The following GALNT7 variants were observed in gnomAD, a reference collection of about 807,000 sequenced individuals.
The protein encoded by GALNT7 is polypeptide N-acetylgalactosaminyltransferase 7.
In GALNT7, 60 loss-of-function variants were observed where a neutral mutation model predicts 82.1. That is an observed-to-expected ratio of 0.73 (90% CI 0.59 to 0.91). The LOEUF is 0.91. GALNT7 is among the 40% of genes least tolerant of loss of function. GALNT7 has a pLI of 0.00. For synonymous variants in GALNT7, 243 were observed against 275.1 expected (o/e 0.88, Z 1.15); for missense variants, 660 against 804.2 (o/e 0.82, Z 2.17).
In GALNT7 at chr4:173,232,320, A is replaced by T. The variant is rs1392725531; in HGVS notation, c.127-15660A>T. Among the ~76,000 whole-genome samples, 3 of 152,244 alleles carry T rather than the reference A, an allele frequency of 2.0e-5. No individual in the cohort carries two copies. The East Asian group carries it at 5.8e-4, about 29-fold the overall frequency. Reference sequence around the variant, plus strand: ...TACTAGAAAGCAGTGGTTTTTATAAATTTTTGATTGATACATATGAATTGT... The same window carrying T: ...TACTAGAAAGCAGTGGTTTTTATAATTTTTTGATTGATACATATGAATTGT... On this transcript the variant is annotated intron_variant, in intron 1 of 11. Transcript: ENST00000265000.
intron 2 of GALNT7, among the ~76,000 whole-genome samples, 160 bp from the exon 3 acceptor site, chr4:173,291,948 C>G (rs201292627): frequency 1.3e-5 from 2 of 152,320 alleles, no homozygotes; most frequent in South Asian, 2.1e-4. Context: ...AACAGCTTCT[C>G]TCTTTTATCT....
At chr4:173,268,932 A>T (rs547470261) in intron 2 of GALNT7, among the ~76,000 whole-genome samples, 2 of 152,280 alleles carry the variant, frequency 1.3e-5, no homozygotes, top group East Asian at 3.9e-4. Flanking sequence ...TTGTGGACGT[A>T]GAATCCACAA....
intron 2 of GALNT7, among the ~76,000 whole-genome samples, chr4:173,278,594 A>G (rs1175043564): frequency 6.6e-6 from 1 of 152,246 alleles, no homozygotes; most frequent in Non-Finnish European, 1.5e-5. Context: ...GGTATTTTAT[A>G]CTAAGTTCAA....
chr4:173,206,866 C>A (rs1733115472), intron 1 of GALNT7, among the ~76,000 whole-genome samples: 1 of 152,294 alleles, frequency 6.6e-6, no homozygotes, highest in East Asian at 1.9e-4. Flanking sequence ...AACTTGCAAC[C>A]AAGGTGTGAC....
intron 1 of GALNT7, among the ~76,000 whole-genome samples, chr4:173,181,458 C>A (rs1242620113): frequency 6.6e-6 from 1 of 152,114 alleles, no homozygotes; most frequent in Non-Finnish European, 1.5e-5. Context: ...TTCTAAAATT[C>A]TCTATTCTAA....
intron 1 of GALNT7, among the ~76,000 whole-genome samples, chr4:173,215,624 C>T (rs1489266512): frequency 6.6e-6 from 1 of 152,134 alleles, no homozygotes. Flanking sequence ...GACCCTAAGA[C>T]CTAGCCTGAC....
intron 1 of GALNT7, among the ~76,000 whole-genome samples, chr4:173,236,693 G>C (rs539394836): frequency 6.6e-6 from 1 of 152,196 alleles, no homozygotes; most frequent in African/African-American, 2.4e-5. Flanking sequence ...CATCCCCACC[G>C]CCTATGTACT....
At chr4:173,321,246 C>T (rs1223241359) in intron 11 of GALNT7, among the ~76,000 whole-genome samples, 1 of 152,024 alleles carries the variant, frequency 6.6e-6, no homozygotes, top group African/African-American at 2.4e-5. Context: ...GCAGTATTTC[C>T]TAAGGACTAG....
chr4:173,268,298 A>T (rs1268183298), intron 2 of GALNT7: 4 of 152,334 alleles, frequency 2.6e-5, no homozygotes, highest in African/African-American at 9.6e-5. Flanking sequence ...TGATGGGTTT[A>T]CATTGAACTC....
At chr4:173,263,528 A>G (rs1228259003) in intron 2 of GALNT7, among the ~76,000 whole-genome samples, 1 of 152,196 alleles carries the variant, frequency 6.6e-6, no homozygotes, top group Non-Finnish European at 1.5e-5. Flanking sequence ...TCCTATCTCT[A>G]CACTAATTAC....
At chr4:173,282,340 T>C (rs1459874439) in intron 2 of GALNT7, 2 of 152,238 alleles carry the variant, frequency 1.3e-5, no homozygotes, top group Non-Finnish European at 2.9e-5. Context: ...TTGCTAATTA[T>C]ACGAAGAACA....
At chr4:173,216,735 T>A (rs1263737170) in intron 1 of GALNT7, among the ~76,000 whole-genome samples, 2 of 91,128 alleles carry the variant, frequency 2.2e-5, no homozygotes, top group African/African-American at 1.1e-4. Context: ...ATATTTTTTT[T>A]TTTTTTTTTT....
In GALNT7 at chr4:173,320,583, C is replaced by G. The variant is rs1737774516; in HGVS notation, c.1837-997C>G. Among the ~76,000 whole-genome samples, 1 of 152,024 alleles carries G rather than the reference C, an allele frequency of 6.6e-6. No individual in the cohort carries two copies. Among genetic ancestry groups the G allele is most frequent in the Non-Finnish European group, 1.5e-5 (1 of 67,982 alleles). ...TTCAAGTATATGAGGGAAACCCAGCCCCACACAAGCATACAGTTTGTAAAG... is the reference window on the plus strand; with the variant it reads ...TTCAAGTATATGAGGGAAACCCAGCGCCACACAAGCATACAGTTTGTAAAG... On this transcript the variant is annotated intron_variant, in intron 11 of 11. Coordinates refer to ENST00000265000, the MANE Select transcript of GALNT7 (RefSeq NM_017423.3). The surrounding 1 kb of genome is among the most constrained non-coding windows in gnomAD (Gnocchi z 4.1).
rs540881919 is a variant in GALNT7, at chr4:173,187,000, C to T, written c.126+18039C>T. ...CTCGATCTCCTGACCTCGTGATCCA[C>T]CCGCCTCGGCCGCCCAAAGTGCTGG... On this transcript the variant is annotated intron_variant, in intron 1 of 11. Transcript: ENST00000265000. 1.1e-4 allele frequency among the ~76,000 whole-genome samples: 16 copies of T among 152,238 alleles called. No homozygotes were observed. In the East Asian group the frequency reaches 2.3e-3, roughly 22 times the overall value.
chr4:173,203,776 C>A (rs1406795556), intron 1 of GALNT7, among the ~76,000 whole-genome samples: 1 of 152,134 alleles, frequency 6.6e-6, no homozygotes, highest in Non-Finnish European at 1.5e-5. Flanking sequence ...TTTGATGCCA[C>A]AATTTATATT....
intron 2 of GALNT7, among the ~76,000 whole-genome samples, chr4:173,266,072 A>G (rs1735478090): frequency 6.6e-6 from 1 of 152,216 alleles, no homozygotes; most frequent in Non-Finnish European, 1.5e-5. Context: ...AGCCTGGCCA[A>G]CATGGCGAAA....
At position 173,322,712 on chromosome 4, in the gene GALNT7, A is replaced by G. The variant is rs1038346716; in HGVS notation, c.*995A>G. ...ATCAAAGGTTCATTCTGACTGAGGTAAGACTTTCCAAGCCCTTGTTAGATT... is the reference window on the plus strand; with the variant it reads ...ATCAAAGGTTCATTCTGACTGAGGTGAGACTTTCCAAGCCCTTGTTAGATT... On this transcript the variant is annotated 3_prime_UTR_variant, in exon 12 of 12. Transcript: ENST00000265000. 1.3e-5 allele frequency: 2 copies of G among 152,234 alleles called. No homozygotes were observed. The highest frequency in any genetic ancestry group is 2.9e-5 in the Non-Finnish European group (2 of 68,020). 9.4% of individuals were successfully genotyped at this position (152,234 alleles called of 1,614,324 possible). A position where few individuals can be genotyped will look rare whatever the true frequency, so the allele number is the denominator to read the frequency against.
intron 1 of GALNT7, among the ~76,000 whole-genome samples, chr4:173,211,018 T>C (rs1449685332): frequency 6.6e-6 from 1 of 152,176 alleles, no homozygotes; most frequent in East Asian, 1.9e-4. Context: ...TAAAAAATAT[T>C]GAGATGCCTT....
chr4:173,314,225 A>G, intron 9 of GALNT7, 49 bp downstream of exon 9: 1 of 1,212,194 alleles, frequency 8.2e-7, no homozygotes, highest in Non-Finnish European at 1.2e-6. Context: ...TGAGTTTGGG[A>G]GAAGGCAGAG....
Sources: gnomAD v4.1 joint callset for allele counts (sites outside exome capture counted in the v4.1 genomes callset) on GRCh38, gnomAD v4.1.1 for gene constraint, Gnocchi (gnomAD v3.1) non-coding constraint, MANE v1.5 for transcripts, NCBI Gene and HGNC (gene_info 2026-07-23, HGNC 2026-07-21) for gene names.